Variants in NELL1 observed in about 807,000 individuals in gnomAD.
The protein encoded by NELL1 is neural EGFL like 1, also known as protein kinase C-binding protein NELL1.
In NELL1, 76 loss-of-function variants were observed where a neutral mutation model predicts 107.4. The ratio of observed to expected loss-of-function variants is 0.71; its 90% CI spans 0.59 to 0.86. NELL1 has a LOEUF of 0.86. Ranked by LOEUF, NELL1 falls within the 40% of genes least tolerant of loss-of-function variation. The pLI, the probability that NELL1 is intolerant of heterozygous loss-of-function variation, is 0.00. For missense variants in NELL1, 1,024 were observed against 1,005.5 expected (o/e 1.02, Z -0.25); for synonymous variants, 353 against 341.2 (o/e 1.03, Z -0.38).
At chr11:21,474,994 C>T (rs1349611656) in intron 15 of NELL1, among the ~76,000 whole-genome samples, 5 of 151,946 alleles carry the variant, frequency 3.3e-5, no homozygotes, top group African/African-American at 1.2e-4. Flanking sequence ...AGAGAGAGAC[C>T]CAGAGTGGAA....
At chr11:21,384,438 T>G (rs1851687982) in intron 15 of NELL1, among the ~76,000 whole-genome samples, 1 of 151,970 alleles carries the variant, frequency 6.6e-6, no homozygotes, top group Admixed American at 6.6e-5. Context: ...TTTCTTTTTT[T>G]TTTACATTTA....
At chr11:20,705,198 T>C (rs1043636955) in intron 2 of NELL1, among the ~76,000 whole-genome samples, 3 of 152,156 alleles carry the variant, frequency 2.0e-5, no homozygotes, top group South Asian at 2.1e-4. Flanking sequence ...AGAGCCCACA[T>C]TGCCAAGTCA....
At chr11:21,025,136 G>C (rs1262390756) in intron 12 of NELL1, among the ~76,000 whole-genome samples, 1 of 152,070 alleles carries the variant, frequency 6.6e-6, no homozygotes, top group Non-Finnish European at 1.5e-5. Flanking sequence ...TTATCCTTCT[G>C]AGGTAGAATC....
At chr11:20,706,810 A>T (rs1854973528) in intron 2 of NELL1, among the ~76,000 whole-genome samples, 1 of 151,774 alleles carries the variant, frequency 6.6e-6, no homozygotes, top group African/African-American at 2.4e-5. Context: ...TGTCCTTAAT[A>T]TTTTTTCCTT....
intron 11 of NELL1, among the ~76,000 whole-genome samples, chr11:20,954,335 G>GT (rs1377631282): frequency 2.0e-5 from 3 of 152,008 alleles, no homozygotes; most frequent in Admixed American, 6.6e-5. Context: ...TTCCTCTTTG[G>GT]TTGTCATTCC....
chr11:21,375,909 G>T (rs1236792563), intron 15 of NELL1, among the ~76,000 whole-genome samples: 3 of 151,614 alleles, frequency 2.0e-5, no homozygotes, highest in African/African-American at 7.3e-5. Context: ...GTTTTTGCTT[G>T]TTGAATTGCT....
chr11:20,842,365 TC>T (rs1333434732), intron 3 of NELL1, among the ~76,000 whole-genome samples: 1 of 139,916 alleles, frequency 7.1e-6, no homozygotes, highest in Non-Finnish European at 1.5e-5. Flanking sequence ...AGAGTGAGAC[TC>T]CGTTTAAAAA....
intron 15 of NELL1, among the ~76,000 whole-genome samples, chr11:21,435,897 A>G (rs1319332747): frequency 6.6e-6 from 1 of 152,046 alleles, no homozygotes; most frequent in Non-Finnish European, 1.5e-5. Context: ...CAATCTTTAG[A>G]ATAGTATAAG....
intron 14 of NELL1, among the ~76,000 whole-genome samples, chr11:21,319,749 A>T (rs992923278): frequency 5.3e-5 from 8 of 151,738 alleles, no homozygotes; most frequent in Non-Finnish European, 1.2e-4. Context: ...GGAGATTGAG[A>T]TCATCCTGGC....
Position 20,833,754 on chromosome 11 carries a change from G to T in NELL1, c.336-13829G>T, listed in dbSNP as rs115915352. Among the ~76,000 whole-genome samples, 375 of 152,316 alleles carry T rather than the reference G, an allele frequency of 2.5e-3. 2 individuals are homozygous for T. The highest frequency in any genetic ancestry group is 8.5e-3 in the African/African-American group (355 of 41,574). ...GTGACATTTAAAGTGAGAGCTGAAT[G>T]AGTAGAAGTTAGCTAGGGAAATAAT... On this transcript the variant is annotated intron_variant, in intron 3 of 19. Coordinates refer to ENST00000357134, the MANE Select transcript of NELL1 (RefSeq NM_006157.5).
chr11:21,301,778 T>C (rs1465136310), intron 14 of NELL1, among the ~76,000 whole-genome samples: 1 of 152,090 alleles, frequency 6.6e-6, no homozygotes, highest in Non-Finnish European at 1.5e-5. Context: ...ATTTTGCTTT[T>C]GTACAAAAGC....
chr11:21,435,481 C>T (rs1489323993), intron 15 of NELL1, among the ~76,000 whole-genome samples: 1 of 132,568 alleles, frequency 7.5e-6, no homozygotes, highest in Non-Finnish European at 1.6e-5. Context: ...TAGCTTTTAT[C>T]GTTTTTTGTT....
chr11:21,094,858 A>G (rs751296999), intron 12 of NELL1, among the ~76,000 whole-genome samples: 1 of 152,146 alleles, frequency 6.6e-6, no homozygotes, highest in South Asian at 2.1e-4. Flanking sequence ...TGCTGTGAAG[A>G]CTTCTGACAT....
chr11:21,280,836 A>G (rs556286398), intron 14 of NELL1, among the ~76,000 whole-genome samples: 1 of 152,294 alleles, frequency 6.6e-6, no homozygotes, highest in South Asian at 2.1e-4. Flanking sequence ...GTTAATAATA[A>G]ACATTATTTA....
chr11:20,709,807 A>T (rs1230733342), intron 2 of NELL1, among the ~76,000 whole-genome samples: 1 of 151,888 alleles, frequency 6.6e-6, no homozygotes, highest in Admixed American at 6.6e-5. Context: ...TATTTTTTGC[A>T]GCTGATGTAA....
At chr11:20,924,517 G>A (rs1162732369) in intron 7 of NELL1, among the ~76,000 whole-genome samples, 3 of 152,194 alleles carry the variant, frequency 2.0e-5, no homozygotes, top group Non-Finnish European at 4.4e-5. Flanking sequence ...GCACAGCTCA[G>A]CTTTGTGGGA....
chr11:20,996,778 T>C (rs1362071228), intron 12 of NELL1, among the ~76,000 whole-genome samples: 1 of 152,188 alleles, frequency 6.6e-6, no homozygotes, highest in Non-Finnish European at 1.5e-5. Context: ...CTTTGTTCTT[T>C]AATCCTCCTC....
intron 14 of NELL1, among the ~76,000 whole-genome samples, chr11:21,243,996 CA>C (rs773004002): frequency 4.6e-5 from 7 of 152,016 alleles, no homozygotes; most frequent in South Asian, 4.2e-4. Context: ...TGGGATGCAA[CA>C]TTGTAGCATT....
intron 5 of NELL1, among the ~76,000 whole-genome samples, chr11:20,888,432 A>G (rs1015871187): frequency 1.3e-5 from 2 of 150,662 alleles, no homozygotes; most frequent in South Asian, 2.1e-4. Flanking sequence ...GTATATTATT[A>G]TAATATACAT....
Sources: gnomAD v4.1 joint callset for allele counts (sites outside exome capture counted in the v4.1 genomes callset) on GRCh38, gnomAD v4.1.1 for gene constraint, MANE v1.5 for transcripts, NCBI Gene and HGNC (gene_info 2026-07-23, HGNC 2026-07-21) for gene names.